Variants in CHPT1 observed in about 807,000 individuals in gnomAD.
The protein encoded by CHPT1 is choline phosphotransferase 1.
Under a neutral mutation model 47.6 loss-of-function variants are expected in CHPT1, and 36 were observed. The observed-to-expected ratio is 0.76, with a 90% CI of 0.58 to 1.00. The LOEUF (loss-of-function observed/expected upper bound fraction) is 1.00, where lower values mean the gene tolerates loss of function less well. CHPT1 is among the 50% of genes least tolerant of loss of function. The pLI is 0.00. For synonymous variants in CHPT1, 194 were observed against 186.3 expected (o/e 1.04, Z -0.33); for missense variants, 458 against 498.1 (o/e 0.92, Z 0.77).
At chr12:101,728,438 G>GT (rs780504288) in intron 8 of CHPT1, 1 of 158,032 alleles carries the variant, frequency 6.3e-6, no homozygotes, top group Non-Finnish European at 1.4e-5. Context: ...GTGATTTAAT[G>GT]TTCAGAGGTT....
At chr12:101,704,238 G>A (rs925849664) in intron 1 of CHPT1, among the ~76,000 whole-genome samples, 3 of 151,446 alleles carry the variant, frequency 2.0e-5, no homozygotes, top group African/African-American at 7.3e-5. Context: ...ACATTGTATA[G>A]TTCTAGTATT....
chr12:101,705,945 T>C (rs1227836084), intron 1 of CHPT1, among the ~76,000 whole-genome samples: 2 of 151,754 alleles, frequency 1.3e-5, no homozygotes, highest in African/African-American at 4.8e-5. Flanking sequence ...AGGCTGGTCT[T>C]GAACTCCTGG....
intron 5 of CHPT1, among the ~76,000 whole-genome samples, chr12:101,721,704 A>G (rs1265727750): frequency 6.6e-6 from 1 of 152,218 alleles, no homozygotes; most frequent in Non-Finnish European, 1.5e-5. Flanking sequence ...ACATAGAACA[A>G]TAGTTGGAAC....
At chr12:101,726,531 A>G in intron 8 of CHPT1, 127 bp downstream of exon 8, 2 of 1,307,492 alleles carry the variant, frequency 1.5e-6, no homozygotes, top group Non-Finnish European at 2.0e-6. Context: ...ATATTTGAAT[A>G]TAAAACATAA....
rs753779584 is a variant in CHPT1, at chr12:101,698,014, C to T, written c.153C>T (p.Thr51=). The T allele has an allele frequency of 6.3e-6, 10 of 1,578,320 alleles. No homozygotes were observed. In the African/African-American group the frequency reaches 1.4e-4, roughly 22 times the overall value. ...AGCCGCCGCTGCAGCTCTACTGGAC[C>T]TGGCTGCTCCAGTGGATCCCGCTCT... The part of the protein sequence containing the change: ...LLEPPLQLYW[T]WLLQWIPLWM... The change falls in exon 1 of 9, where the codon ACC becomes ACT. Residue 51 remains threonine, a synonymous_variant. Coordinates refer to ENST00000229266, the MANE Select transcript of CHPT1 (RefSeq NM_020244.3).
chr12:101,697,793 C>A lies in CHPT1; in HGVS notation c.-69C>A. On this transcript the variant is annotated 5_prime_UTR_variant, in exon 1 of 9. Coordinates refer to ENST00000229266, the MANE Select transcript of CHPT1 (RefSeq NM_020244.3). ...GGACCCGGCCGCCAGCCTCTCCCTC[C>A]ACCTCTCCCTGCCCCCAGCGCCAGG... 3.7e-6 allele frequency: 2 copies of A among 545,262 alleles called. No homozygotes were observed. Among genetic ancestry groups the A allele is most frequent in the Non-Finnish European group, 4.8e-6 (2 of 420,196 alleles). 33.8% of individuals were successfully genotyped at this position (545,262 alleles called of 1,614,324 possible).
At chr12:101,698,954 A>G (rs1459194360) in intron 1 of CHPT1, among the ~76,000 whole-genome samples, 1 of 152,180 alleles carries the variant, frequency 6.6e-6, no homozygotes, top group African/African-American at 2.4e-5. Flanking sequence ...ATTACTTTCT[A>G]TTCTCTGCTC....
In CHPT1 at chr12:101,714,171, A is replaced by C. The variant is rs1320005083; in HGVS notation, c.355A>C (p.Arg119=). The C allele has an allele frequency of 6.2e-7, 1 of 1,613,162 alleles. No individual in the cohort carries two copies. The highest frequency in any genetic ancestry group is 1.7e-5 in the Admixed American group (1 of 59,974). Residue 119 remains arginine, a synonymous_variant, in exon 2 of 9, where the codon AGA becomes CGA. Transcript: ENST00000229266. ...SLDAIDGKQA[R]RTNSCSPLGE... ...GGATGCTATTGATGGGAAACAAGCC[A>C]GAAGAACAAACTCTTGTTCCCCTTT...
In CHPT1 at chr12:101,714,250, A is replaced by G; in HGVS notation, c.421+13A>G. On this transcript the variant is annotated intron_variant, in intron 2 of 8. Coordinates refer to ENST00000229266, the MANE Select transcript of CHPT1 (RefSeq NM_020244.3). The stretch of plus-strand genomic sequence containing the variant: ...TCTCTTTCCACAGGTAAATTAGTGG[A>G]GTTTTTTATTTTTTTATGATACCTT... The G allele has an allele frequency of 6.5e-7, 1 of 1,549,000 alleles. No homozygotes were observed. The highest frequency in any genetic ancestry group is 8.7e-7 in the Non-Finnish European group (1 of 1,153,984).
At chr12:101,712,142 C>T (rs1416901083) in intron 1 of CHPT1, among the ~76,000 whole-genome samples, 2 of 148,548 alleles carry the variant, frequency 1.3e-5, no homozygotes, top group African/African-American at 4.9e-5. Context: ...CCACCTCAGC[C>T]TCCTGAGTAG....
chr12:101,725,529 CG>C (rs745546511), intron 7 of CHPT1, among the ~76,000 whole-genome samples: 11 of 151,584 alleles, frequency 7.3e-5, no homozygotes, highest in East Asian at 3.9e-4. Flanking sequence ...AATCATCTGT[CG>C]TAACGAGTAA....
chr12:101,717,395 G>C (rs1544921), intron 4 of CHPT1: 254,264 of 428,448 alleles, frequency 0.59, 77,455 homozygotes, highest in East Asian at 0.9. Context: ...TTACCACAAC[G>C]TAAGTCCACC....
chr12:101,704,738 TTAAAA>T (rs1167068956), intron 1 of CHPT1, among the ~76,000 whole-genome samples: 6 of 119,254 alleles, frequency 5.0e-5, no homozygotes, highest in African/African-American at 1.3e-4. Context: ...TCAAAATATA[TTAAAA>T]TAAACATAAA....
intron 1 of CHPT1, among the ~76,000 whole-genome samples, chr12:101,707,129 G>C (rs970892646): frequency 6.6e-6 from 1 of 152,204 alleles, no homozygotes; most frequent in Non-Finnish European, 1.5e-5. Flanking sequence ...TGTGTCCTTT[G>C]ATTTCTCCCT....
intron 3 of CHPT1, chr12:101,714,892 T>A: frequency 3.1e-6 from 1 of 318,306 alleles, no homozygotes. Context: ...AGCCCAAGTT[T>A]ACAATAGAGA....
intron 7 of CHPT1, among the ~76,000 whole-genome samples, chr12:101,725,321 T>A (rs182654341): frequency 2.6e-5 from 4 of 151,204 alleles, no homozygotes; most frequent in African/African-American, 7.4e-5. Context: ...AAAAAAAAAA[T>A]GTTTAAAAAT....
At chr12:101,705,107 T>C (rs957226091) in intron 1 of CHPT1, among the ~76,000 whole-genome samples, 11 of 130,914 alleles carry the variant, frequency 8.4e-5, no homozygotes, top group Middle Eastern at 3.5e-3. Context: ...TGTTTGTTTG[T>C]TTGTTTTTGA....
intron 7 of CHPT1, among the ~76,000 whole-genome samples, chr12:101,724,876 G>A (rs1455177088): frequency 3.9e-5 from 6 of 152,114 alleles, no homozygotes; most frequent in Non-Finnish European, 2.9e-5. Context: ...GATAAATGGA[G>A]CATTATTACA....
chr12:101,713,670 T>C (rs1188390107), intron 1 of CHPT1, among the ~76,000 whole-genome samples: 1 of 152,160 alleles, frequency 6.6e-6, no homozygotes, highest in Non-Finnish European at 1.5e-5. Context: ...TTTCTAGTTA[T>C]ATAAGGTGGG....
Sources: allele counts gnomAD v4.1 joint callset (sites outside exome capture counted in the v4.1 genomes callset), GRCh38; gene constraint gnomAD v4.1.1; transcripts MANE v1.5; gene names NCBI Gene and HGNC (gene_info 2026-07-23, HGNC 2026-07-21).